The following LONRF2 variants were observed in gnomAD, a reference collection of about 807,000 sequenced individuals.
LONRF2 encodes LON peptidase N-terminal domain and RING finger protein 2.
In LONRF2, 35 loss-of-function variants were observed where a neutral mutation model predicts 66.6. The ratio of observed to expected loss-of-function variants is 0.53; its 90% confidence interval spans 0.40 to 0.70. The LOEUF is 0.70. Ranked by LOEUF, LONRF2 falls within the 30% of genes least tolerant of loss-of-function variation. The pLI is 0.00. For synonymous variants in LONRF2, 417 were observed against 418.1 expected, an observed-to-expected ratio of 1.00 and a Z score of 0.03; for missense variants, 902 against 1,002.1, an observed-to-expected ratio of 0.90 and a Z score of 1.35.
chr2:100,310,270 T>C (rs1361830571), intron 1 of LONRF2, among the ~76,000 whole-genome samples: 2 of 152,162 alleles, frequency 1.3e-5, no homozygotes, highest in African/African-American at 2.4e-5. Context: ...CCATTTTCCA[T>C]ACTGTGGGGC....
Position 100,321,975 on chromosome 2 carries a change from T to A in LONRF2, c.119A>T (p.Glu40Val). The A allele has an allele frequency of 6.8e-7, 1 of 1,468,160 alleles. No homozygotes were observed. The highest frequency in any genetic ancestry group is 9.0e-7 in the Non-Finnish European group (1 of 1,111,704). 90.9% of individuals were successfully genotyped at this position (1,468,160 alleles called of 1,614,324 possible). Residue 40 changes from glutamate to valine, a missense_variant, in exon 1 of 12, where the codon GAG (glutamate) becomes GTG (valine). Physicochemically the swap from Glu to Val is moderately radical, Grantham distance 121. Coordinates refer to ENST00000393437, the MANE Select transcript of LONRF2 (RefSeq NM_198461.4). The part of the protein sequence containing the change: ...GDEAFRAGDY[E>V]MAAELFRSML... Reference sequence around the variant, plus strand: ...GGAGCGAAAGAGCTCGGCTGCCATCTCGTAGTCGCCCGCGCGGAAGGCCTC... The same window carrying A: ...GGAGCGAAAGAGCTCGGCTGCCATCACGTAGTCGCCCGCGCGGAAGGCCTC...
chr2:100,301,577 G>T (rs1478236304), intron 3 of LONRF2, among the ~76,000 whole-genome samples: 3 of 152,260 alleles, frequency 2.0e-5, no homozygotes, highest in Non-Finnish European at 4.4e-5. Context: ...CAACAGAGCT[G>T]CTGGAGATGG....
chr2:100,309,421 A>T, intron 1 of LONRF2, 196 bp from the exon 2 acceptor site: 1 of 297,650 alleles, frequency 3.4e-6, no homozygotes, highest in Non-Finnish European at 6.1e-6. Flanking sequence ...TTATTTGATA[A>T]GTATATTTTA....
intron 1 of LONRF2, among the ~76,000 whole-genome samples, chr2:100,311,354 T>G (rs1005750649): frequency 1.3e-4 from 15 of 114,360 alleles, no homozygotes; most frequent in African/African-American, 4.5e-4. Context: ...CAAAGGAGAT[T>G]TGGAAAAAAA....
intron 1 of LONRF2, chr2:100,309,473 T>C: frequency 4.8e-6 from 1 of 208,218 alleles, no homozygotes; most frequent in Non-Finnish European, 9.5e-6. Context: ...TTAACAAGAC[T>C]TGAAAAAGCA....
rs536869671 is a variant in LONRF2, at chr2:100,287,592, C to T, written c.1921-529G>A. 1.1e-4 allele frequency among the ~76,000 whole-genome samples: 17 copies of T among 152,306 alleles called. 1 individual carries two copies. The South Asian group carries it at 2.9e-3, about 26-fold the overall frequency. ...TCACCAAACTATATTCCTAAAGGCA[C>T]GACAGGGCAAGACTACACTCATTAC... is the stretch of plus-strand genomic sequence containing the variant. On this transcript the variant is annotated intron_variant, in intron 10 of 11. Transcript: ENST00000393437.
chr2:100,275,624 G>A lies in LONRF2; in HGVS notation c.*8674C>T, dbSNP rs1369079788. 6.6e-6 allele frequency: 1 copy of A among 152,182 alleles called. No homozygotes were observed. The highest frequency in any genetic ancestry group is 2.4e-5 in the African/African-American group (1 of 41,436). 9.4% of individuals were successfully genotyped at this position (152,182 alleles called of 1,614,324 possible). A position where few individuals can be genotyped will look rare whatever the true frequency, so the allele number is the denominator to read the frequency against. On this transcript the variant is annotated 3_prime_UTR_variant, in exon 12 of 12. Transcript: ENST00000393437. ...TTCCTCAATCCGGTGGGATGCAAAGGATCTATCCATAGAGACCAGTGGCTT... is the reference window on the plus strand; with the variant it reads ...TTCCTCAATCCGGTGGGATGCAAAGAATCTATCCATAGAGACCAGTGGCTT...
At chr2:100,304,527 G>A (rs927828022) in intron 2 of LONRF2, among the ~76,000 whole-genome samples, 18 of 151,796 alleles carry the variant, frequency 1.2e-4, no homozygotes, top group African/African-American at 4.3e-4. Flanking sequence ...TTCTTTGCAT[G>A]CAATTTAACT....
intron 6 of LONRF2, 74 bp from the exon 7 acceptor site, chr2:100,299,024 A>G: frequency 1.7e-6 from 2 of 1,178,488 alleles, no homozygotes; most frequent in Non-Finnish European, 2.5e-6. Context: ...TTTTTGAAGG[A>G]TTCCTTATGC....
intron 2 of LONRF2, among the ~76,000 whole-genome samples, chr2:100,305,001 G>A (rs990456811): frequency 1.3e-5 from 2 of 152,010 alleles, no homozygotes; most frequent in African/African-American, 4.8e-5. Context: ...CCAGGATTTG[G>A]CCAGAGCTGG....
intron 4 of LONRF2, 138 bp downstream of exon 4, chr2:100,300,504 TGA>T: frequency 1.4e-6 from 1 of 717,610 alleles, no homozygotes; most frequent in Non-Finnish European, 2.1e-6. Context: ...ACTCCCAGGT[TGA>T]GGAGCTACAA....
At position 100,299,881 on chromosome 2, in the gene LONRF2, T is replaced by C. The variant is rs569402017; in HGVS notation, c.1103A>G (p.Asn368Ser). The part of the protein sequence containing the change: ...SEKSDMLGNT[N>S]SSVLYFILGL... ...CAGTATAAAATACAAAACTGAAGAA[T>C]TGGTATTTCCAAGCATATCAGATTT... Residue 368 changes from asparagine (N) to serine (S), a missense_variant, in exon 5 of 12, where the codon AAT (asparagine) becomes AGT (serine). This residue lies in a region of LONRF2 where 585 missense variants were observed against 569.9 expected (regional missense o/e 1.03). Transcript: ENST00000393437. The C allele has an allele frequency of 2.7e-5, 44 of 1,612,166 alleles. No homozygotes were observed. Among genetic ancestry groups the C allele is most frequent in the African/African-American group, 1.3e-4 (10 of 74,964 alleles).
At chr2:100,316,808 C>T (rs2104216112) in intron 1 of LONRF2, among the ~76,000 whole-genome samples, 1 of 152,316 alleles carries the variant, frequency 6.6e-6, no homozygotes, top group African/African-American at 2.4e-5. Flanking sequence ...ATTATTTCCC[C>T]TTTTGCTTTT....
chr2:100,308,400 C>T (rs1675339918), intron 2 of LONRF2, among the ~76,000 whole-genome samples: 1 of 152,150 alleles, frequency 6.6e-6, no homozygotes, highest in African/African-American at 2.4e-5. Flanking sequence ...GGCTTAATGT[C>T]TCTTTAATGT....
Position 100,302,960 on chromosome 2 carries a change from C to A in LONRF2, c.882G>T (p.Leu294=). ...TCTTCACAGAGTTACATTCAGGATT[C>A]AGAGCAAGGCAGTAGAGAAATTCCT... ...VLKEFLYCLA[L]NPECNSVKKE... is the part of the protein sequence containing the mutation. The change falls in exon 3 of 12, where the codon CTG becomes CTT. Residue 294 remains leucine (L), a synonymous_variant. Coordinates refer to ENST00000393437, the MANE Select transcript of LONRF2 (RefSeq NM_198461.4). 6.2e-7 allele frequency: 1 copy of A among 1,610,596 alleles called. No homozygotes were observed. The highest frequency in any genetic ancestry group is 8.5e-7 in the Non-Finnish European group (1 of 1,178,156).
chr2:100,280,028 GTT>G lies in LONRF2; in HGVS notation c.*4268_*4269del, dbSNP rs1674682191. On this transcript the variant is annotated 3_prime_UTR_variant, in exon 12 of 12. Transcript: ENST00000393437. ...ATCCACCTTTCTGCGTCCTCAATCA[GTT>G]ACTTTTATCAGACCTGGGTGCAAAT... 1 of 152,190 alleles carries G rather than the reference GTT, an allele frequency of 6.6e-6. No homozygotes were observed. Among genetic ancestry groups the G allele is most frequent in the Non-Finnish European group, 1.5e-5 (1 of 68,054 alleles). 9.4% of individuals were successfully genotyped at this position (152,190 alleles called of 1,614,324 possible).
Position 100,300,020 on chromosome 2 carries a change from G to GGT in LONRF2, c.1066-103_1066-102insAC, listed in dbSNP as rs1553540615. 2.6e-5 allele frequency: 12 copies of GGT among 461,910 alleles called. 3 individuals are homozygous for GGT. The highest frequency in any genetic ancestry group is 1.3e-4 in the Admixed American group (3 of 22,638). 28.6% of individuals were successfully genotyped at this position (461,910 alleles called of 1,614,324 possible). A position where few individuals can be genotyped will look rare whatever the true frequency, so the allele number is the denominator to read the frequency against. On this transcript the variant is annotated intron_variant, in intron 4 of 11. Transcript: ENST00000393437. Reference sequence around the variant, plus strand: ...TACTAGAAATCTTTGGAAAAAAAAAGGGGGGGGCATACACTCTTCTTCATA... The same window carrying GGT: ...TACTAGAAATCTTTGGAAAAAAAAAGGTGGGGGGGCATACACTCTTCTTCATA...
intron 1 of LONRF2, among the ~76,000 whole-genome samples, chr2:100,320,577 A>G (rs1675599757): frequency 6.6e-6 from 1 of 152,210 alleles, no homozygotes. Context: ...GTAACAAGAG[A>G]TTCAACAAGT....
chr2:100,314,420 C>T (rs1379661580), intron 1 of LONRF2, among the ~76,000 whole-genome samples: 1 of 152,156 alleles, frequency 6.6e-6, no homozygotes, highest in Non-Finnish European at 1.5e-5. Context: ...TACGTAGTTT[C>T]AGCTAAAGTT....
Sources: gnomAD v4.1 joint callset for allele counts (sites outside exome capture counted in the v4.1 genomes callset) on GRCh38, gnomAD v4.1.1 for gene constraint, gnomAD v4.1.1 regional missense constraint, MANE v1.5 for transcripts, NCBI Gene and HGNC (gene_info 2026-07-23, HGNC 2026-07-21) for gene names.